ATP13A3: variants seen among roughly 807,000 people sequenced by gnomAD.
ATP13A3 encodes polyamine-transporting ATPase 13A3.
Under a neutral mutation model 158.1 loss-of-function variants are expected in ATP13A3, and 59 were observed. That is an observed-to-expected ratio of 0.37 (90% CI 0.30 to 0.46). The LOEUF (loss-of-function observed/expected upper bound fraction) is 0.46. Ranked by LOEUF, ATP13A3 falls within the 20% of genes least tolerant of loss-of-function variation. ATP13A3 has a pLI of 1.00. For synonymous variants in ATP13A3, 491 were observed against 504.3 expected, an observed-to-expected ratio of 0.97 and a Z score of 0.35; for missense variants, 1,166 against 1,525.2, an observed-to-expected ratio of 0.76 and a Z score of 3.92.
rs777800043 is a variant in ATP13A3, at chr3:194,450,217, T to G, written c.898A>C (p.Asn300His). The G allele has an allele frequency of 1.2e-6, 2 of 1,613,626 alleles. No individual in the cohort carries two copies. The highest frequency in any genetic ancestry group is 1.7e-6 in the Non-Finnish European group (2 of 1,179,580). Residue 300 changes from asparagine to histidine, a missense_variant, in exon 11 of 34, where the codon AAT becomes CAT. By Grantham distance (68) the Asn-to-His change is moderately conservative. Coordinates refer to ENST00000645319, the MANE Select transcript of ATP13A3 (RefSeq NM_001367549.1). ...VPGDVMVIPLNGTIMPCDAVL... is the reference protein window; with the variant it reads ...VPGDVMVIPLHGTIMPCDAVL... The stretch of plus-strand genomic sequence containing the variant: ...GCATCACAAGGCATTATTGTCCCAT[T>G]TAATGGAATGACCATGACATCTCCT...
chr3:194,463,762 TATA>T (rs1719818731), intron 2 of ATP13A3, among the ~76,000 whole-genome samples: 1 of 152,234 alleles, frequency 6.6e-6, no homozygotes, highest in Non-Finnish European at 1.5e-5. Context: ...TTTAAGATGA[TATA>T]AATTAACAGC....
chr3:194,436,342 G>C (rs1717636534), intron 20 of ATP13A3, among the ~76,000 whole-genome samples: 1 of 152,200 alleles, frequency 6.6e-6, no homozygotes, highest in Non-Finnish European at 1.5e-5. Flanking sequence ...GGGGGACATG[G>C]AGAGTACTGG....
At chr3:194,408,620 C>T (rs1029562991) in intron 33 of ATP13A3, among the ~76,000 whole-genome samples, 1 of 152,154 alleles carries the variant, frequency 6.6e-6, no homozygotes, top group Non-Finnish European at 1.5e-5. Flanking sequence ...AATATCCTCA[C>T]AACCCTATTA....
Position 194,450,127 on chromosome 3 carries a change from T to C in ATP13A3, c.970+18A>G, listed in dbSNP as rs1560098281. ...ATATCATGAACAACTCATGTTGATA[T>C]TTACTCATTTAGCTTACCTGTTAAC... On this transcript the variant is annotated intron_variant, in intron 11 of 33. Transcript: ENST00000645319. 3.7e-6 allele frequency: 6 copies of C among 1,611,440 alleles called. No homozygotes were observed. In the Middle Eastern group the frequency reaches 5.0e-4, roughly 133 times the overall value.
chr3:194,410,352 T>C (rs899868195), intron 33 of ATP13A3, among the ~76,000 whole-genome samples: 4 of 121,244 alleles, frequency 3.3e-5, no homozygotes, highest in African/African-American at 1.2e-4. Flanking sequence ...TGGGATGGCA[T>C]GCACCTGTAG....
chr3:194,409,822 G>A (rs34036588), intron 33 of ATP13A3, among the ~76,000 whole-genome samples: 1 of 147,706 alleles, frequency 6.8e-6, no homozygotes, highest in Non-Finnish European at 1.5e-5. Flanking sequence ...CTCCGATTGA[G>A]AACCACGGCC....
chr3:194,430,681 G>A (rs1407448714), intron 24 of ATP13A3, among the ~76,000 whole-genome samples: 1 of 152,090 alleles, frequency 6.6e-6, no homozygotes, highest in Non-Finnish European at 1.5e-5. Context: ...TTACTAAAAT[G>A]ATTAGCCACT....
At chr3:194,493,135 TAAAA>T (rs376023000) in intron 2 of ATP13A3, among the ~76,000 whole-genome samples, 1 of 131,636 alleles carries the variant, frequency 7.6e-6, no homozygotes, top group Non-Finnish European at 1.6e-5. Context: ...TCTCAGCTCT[TAAAA>T]AAAAAAAAAA....
At chr3:194,472,859 C>T (rs1457356827) in intron 2 of ATP13A3, among the ~76,000 whole-genome samples, 1 of 152,180 alleles carries the variant, frequency 6.6e-6, no homozygotes, top group Non-Finnish European at 1.5e-5. Flanking sequence ...AACACGGATG[C>T]AGCTGGAGGC....
rs73889868 is a variant in ATP13A3, at chr3:194,430,539, T to C, written c.2625-224A>G. Among the ~76,000 whole-genome samples, 352 of 152,342 alleles carry C rather than the reference T, an allele frequency of 2.3e-3. 2 individuals carry two copies. The highest frequency in any genetic ancestry group is 8.0e-3 in the African/African-American group (334 of 41,586). On this transcript the variant is annotated intron_variant, in intron 24 of 33. Coordinates refer to ENST00000645319, the MANE Select transcript of ATP13A3 (RefSeq NM_001367549.1). ...GGTTATTGTCCTATTTCTGTCACAT[T>C]ATCGGCAAATCATTTTGGTGTCTCA...
chr3:194,429,224 C>T (rs552710689), intron 27 of ATP13A3, among the ~76,000 whole-genome samples: 1 of 152,086 alleles, frequency 6.6e-6, no homozygotes, highest in South Asian at 2.1e-4. Context: ...GTCAAGAGAT[C>T]GAGACCACCC....
intron 16 of ATP13A3, among the ~76,000 whole-genome samples, chr3:194,439,430 A>G (rs907942056): frequency 6.6e-6 from 1 of 152,266 alleles, no homozygotes; most frequent in Non-Finnish European, 1.5e-5. Context: ...AGGCTAAAGC[A>G]CAAAGATATG....
chr3:194,461,832 C>A (rs1292049870), intron 3 of ATP13A3, among the ~76,000 whole-genome samples: 1 of 152,116 alleles, frequency 6.6e-6, no homozygotes, highest in African/African-American at 2.4e-5. Context: ...AATTAGAAAT[C>A]TTTATTTGGG....
At chr3:194,432,084 G>A (rs1474475710) in intron 21 of ATP13A3, 192 bp from the exon 22 acceptor site, 8 of 488,952 alleles carry the variant, frequency 1.6e-5, no homozygotes, top group African/African-American at 6.0e-5. Context: ...CTCAAATAAC[G>A]CAAGCACGTT....
chr3:194,453,722 A>C lies in ATP13A3; in HGVS notation c.822T>G (p.Val274=). 1 of 1,612,742 alleles carries C rather than the reference A, an allele frequency of 6.2e-7. No individual in the cohort carries two copies. The highest frequency in any genetic ancestry group is 8.5e-7 in the Non-Finnish European group (1 of 1,178,830). ...VATHSTVRVS[V]CRVNEEIEEI... ...ATTACTTACCTTCATTTACTCTACA[A>C]ACTGAAACTCTTACGGTACTATGAG... The change falls in exon 10 of 34, where the codon GTT becomes GTG. Residue 274 remains valine (V), a synonymous_variant. Coordinates refer to ENST00000645319, the MANE Select transcript of ATP13A3 (RefSeq NM_001367549.1).
chr3:194,419,793 A>C (rs1455392997), intron 31 of ATP13A3, 86 bp downstream of exon 31: 1 of 1,505,932 alleles, frequency 6.6e-7, no homozygotes, highest in Non-Finnish European at 8.8e-7. Flanking sequence ...GCATCTTAGA[A>C]TACACAAAAA....
chr3:194,490,330 G>A (rs966464099), upstream of ATP13A3, among the ~76,000 whole-genome samples: 4 of 152,230 alleles, frequency 2.6e-5, no homozygotes, highest in East Asian at 3.9e-4. This position sits in a 1 kb window ranked among gnomAD's most constrained non-coding sequence, Gnocchi z 4.4. Flanking sequence ...CAACTCCAGG[G>A]GCTAGGCCTC....
At position 194,403,931 on chromosome 3, in the gene ATP13A3, C is replaced by CA; in HGVS notation, c.*1987dup. ...TGTTAAAAAAGTGGGGGGGGGGTGT[C>CA]AAAAATAGCTCTTTATGATCATGCT... On this transcript the variant is annotated 3_prime_UTR_variant, in exon 34 of 34. Coordinates refer to ENST00000645319, the MANE Select transcript of ATP13A3 (RefSeq NM_001367549.1). 3.3e-6 allele frequency: 1 copy of CA among 302,256 alleles called. No homozygotes were observed. Among genetic ancestry groups the CA allele is most frequent in the Non-Finnish European group, 6.4e-6 (1 of 155,040 alleles). The allele number at this position is 302,256 out of a possible 1,614,324, so 18.7% of individuals were successfully genotyped here.
upstream of ATP13A3, among the ~76,000 whole-genome samples, chr3:194,490,473 T>A (rs906851946): frequency 6.6e-6 from 1 of 152,214 alleles, no homozygotes; most frequent in Non-Finnish European, 1.5e-5. The surrounding 1 kb of genome is among the most constrained non-coding windows in gnomAD (Gnocchi z 4.4). Flanking sequence ...ATTTTGGAAT[T>A]CCTCCTCCCT....
Sources: gnomAD v4.1 joint callset for allele counts (sites outside exome capture counted in the v4.1 genomes callset) on GRCh38, gnomAD v4.1.1 for gene constraint, Gnocchi (gnomAD v3.1) non-coding constraint, MANE v1.5 for transcripts, NCBI Gene and HGNC (gene_info 2026-07-23, HGNC 2026-07-21) for gene names.